Variants in TNFSF4 observed in about 807,000 individuals in gnomAD.
The protein encoded by TNFSF4 is TNF superfamily member 4.
TNFSF4 carries 4 observed loss-of-function variants against 7.3 expected under a neutral mutation model. That is an observed-to-expected ratio of 0.55 (90% confidence interval 0.27 to 1.25). The LOEUF is 1.25. Among genes scored for constraint, TNFSF4 ranks in the 50% most tolerant of loss-of-function variants. The pLI, the probability that TNFSF4 is intolerant of heterozygous loss-of-function variation, is 0.12. For synonymous variants in TNFSF4, 76 were observed against 83.7 expected (o/e 0.91, Z 0.50); for missense variants, 181 against 208.8 (o/e 0.87, Z 0.82).
At chr1:173,274,313 C>T in the TNFSF4 span, among the ~76,000 whole-genome samples, 1 of 152,108 alleles carries the variant, frequency 6.6e-6, no homozygotes, top group Non-Finnish European at 1.5e-5. Context: ...TTTATTCAAG[C>T]ATTCTCCTTT....
the TNFSF4 span, among the ~76,000 whole-genome samples, chr1:173,347,517 T>C: frequency 7.2e-5 from 11 of 152,342 alleles, no homozygotes; most frequent in African/African-American, 2.6e-4. Context: ...AAGTATTAAC[T>C]CATTCAACAT....
chr1:173,410,308 T>C, the TNFSF4 span, among the ~76,000 whole-genome samples: 2 of 152,124 alleles, frequency 1.3e-5, no homozygotes, highest in Non-Finnish European at 2.9e-5. Context: ...GCTGTCACAG[T>C]TGCATGTCTG....
chr1:173,192,220 A>G (rs890000686), intron 1 of TNFSF4, among the ~76,000 whole-genome samples: 2 of 152,326 alleles, frequency 1.3e-5, no homozygotes, highest in African/African-American at 2.4e-5. Flanking sequence ...CTTGAGTTTC[A>G]GTCTCTGTAT....
chr1:173,351,590 G>C, the TNFSF4 span: 1 of 204,194 alleles, frequency 4.9e-6, no homozygotes, highest in Non-Finnish European at 9.7e-6. Flanking sequence ...TTGGCAAGAA[G>C]TTCTTTGAAA....
At chr1:173,360,754 A>G in the TNFSF4 span, among the ~76,000 whole-genome samples, 1 of 152,210 alleles carries the variant, frequency 6.6e-6, no homozygotes, top group African/African-American at 2.4e-5. Context: ...CTGTGCGGGC[A>G]AGGAACCCAT....
chr1:173,343,540 C>T, the TNFSF4 span, among the ~76,000 whole-genome samples: 10 of 152,120 alleles, frequency 6.6e-5, no homozygotes, highest in Non-Finnish European at 1.5e-4. Context: ...CTTCTCTATC[C>T]CCTTTGCCTT....
At chr1:173,415,826 G>A in the TNFSF4 span, among the ~76,000 whole-genome samples, 357 of 152,332 alleles carry the variant, frequency 2.3e-3, 7 homozygotes, top group Non-Finnish European at 2.1e-4. Flanking sequence ...TTCAGGAGCT[G>A]GGTTGAGGGC....
At chr1:173,416,638 T>TTTTGAGA in the TNFSF4 span, among the ~76,000 whole-genome samples, 31 of 110,140 alleles carry the variant, frequency 2.8e-4, no homozygotes, top group South Asian at 1.0e-3. Flanking sequence ...ATTTATTTTT[T>TTTTGAGA]GAGAGAGAGA....
At chr1:173,407,700 A>ACGGGTG in the TNFSF4 span, among the ~76,000 whole-genome samples, 2 of 71,994 alleles carry the variant, frequency 2.8e-5, no homozygotes, top group Non-Finnish European at 6.9e-5. Flanking sequence ...CTAGATGTAA[A>ACGGGTG]TGGGTGTGTG....
the TNFSF4 span, among the ~76,000 whole-genome samples, chr1:173,428,730 A>G: frequency 3.3e-5 from 5 of 152,178 alleles, no homozygotes; most frequent in Non-Finnish European, 7.4e-5. Flanking sequence ...ATTGGCTGGG[A>G]GCAGTGGCTC....
the TNFSF4 span, among the ~76,000 whole-genome samples, chr1:173,232,014 G>T: frequency 6.6e-6 from 1 of 152,304 alleles, no homozygotes; most frequent in South Asian, 2.1e-4. Context: ...GAAAGTCATT[G>T]GTAGCTTGAT....
chr1:173,279,154 T>C, the TNFSF4 span, among the ~76,000 whole-genome samples: 8 of 152,092 alleles, frequency 5.3e-5, no homozygotes, highest in African/African-American at 1.9e-4. Context: ...ATATTTTGTA[T>C]AGAAAGGACT....
At chr1:173,316,560 T>C in the TNFSF4 span, among the ~76,000 whole-genome samples, 1 of 152,106 alleles carries the variant, frequency 6.6e-6, no homozygotes, top group African/African-American at 2.4e-5. Flanking sequence ...AAAATAAACA[T>C]CTATCAAGGA....
the TNFSF4 span, among the ~76,000 whole-genome samples, chr1:173,444,306 A>G: frequency 6.6e-6 from 1 of 152,154 alleles, no homozygotes; most frequent in African/African-American, 2.4e-5. Context: ...ATCTGTACAC[A>G]TACTCTGAAC....
the TNFSF4 span, among the ~76,000 whole-genome samples, chr1:173,374,475 C>G: frequency 6.6e-6 from 1 of 152,094 alleles, no homozygotes; most frequent in African/African-American, 2.4e-5. Context: ...CCCTGAGGAA[C>G]CTGCATGACT....
the TNFSF4 span, among the ~76,000 whole-genome samples, chr1:173,417,191 G>C: frequency 6.6e-6 from 1 of 152,218 alleles, no homozygotes; most frequent in Non-Finnish European, 1.5e-5. Flanking sequence ...CCAGGAGTCA[G>C]AGACACCTCG....
the TNFSF4 span, among the ~76,000 whole-genome samples, chr1:173,371,381 T>G: frequency 2.0e-5 from 3 of 152,208 alleles, no homozygotes; most frequent in African/African-American, 7.2e-5. Flanking sequence ...ATTATCTATA[T>G]GAATATGAGG....
At chr1:173,379,635 C>T in the TNFSF4 span, among the ~76,000 whole-genome samples, 1 of 152,158 alleles carries the variant, frequency 6.6e-6, no homozygotes, top group Non-Finnish European at 1.5e-5. Flanking sequence ...ACCTGGCAAC[C>T]TCAGTGTTCT....
chr1:173,276,959 A>C, the TNFSF4 span, among the ~76,000 whole-genome samples: 1 of 151,890 alleles, frequency 6.6e-6, no homozygotes, highest in Non-Finnish European at 1.5e-5. Flanking sequence ...TTCCCTTCAT[A>C]CAAGTACACA....
Sources: gnomAD v4.1 joint callset for allele counts (sites outside exome capture counted in the v4.1 genomes callset) on GRCh38, gnomAD v4.1.1 for gene constraint, MANE v1.5 for transcripts, NCBI Gene and HGNC (gene_info 2026-07-23, HGNC 2026-07-21) for gene names.